The following AHRR variants were observed in gnomAD, a reference collection of about 807,000 sequenced individuals.
The protein encoded by AHRR is aryl hydrocarbon receptor repressor.
A neutral mutation model predicts 44.0 loss-of-function variants in AHRR; 28 were observed. The ratio of observed to expected loss-of-function variants is 0.64; its 90% CI spans 0.47 to 0.87. AHRR has a LOEUF of 0.87. Ranked by LOEUF, AHRR falls within the 40% of genes least tolerant of loss-of-function variation. AHRR has a pLI of 0.00. For missense variants in AHRR, 990 were observed against 953.9 expected, an observed-to-expected ratio of 1.04 and a Z score of -0.50; for synonymous variants, 434 against 407.0, an observed-to-expected ratio of 1.07 and a Z score of -0.80.
At chr5:424,500 C>T (rs72717406) in intron 7 of AHRR, among the ~76,000 whole-genome samples, 2,144 of 152,126 alleles carry the variant, frequency 0.014, 50 homozygotes, top group Middle Eastern at 0.034. Flanking sequence ...CTCTGTGCAC[C>T]CGGCGATGGT....
In AHRR at chr5:423,892, G is replaced by T; in HGVS notation, c.623G>T (p.Gly208Val). ...CTCAGGGCCCAGGAGTGGGGCACAG[G>T]CACGCCCACCGAGTACTCGGCCTTC... ...RLLRAQEWGT[G>V]TPTEYSAFLT... Residue 208 changes from glycine to valine, a missense_variant, in exon 7 of 11, where the codon GGC becomes GTC. By Grantham distance (109) the Gly-to-Val change is moderately radical (BLOSUM62 -3). Transcript: ENST00000684583. The T allele has an allele frequency of 6.2e-7, 1 of 1,604,930 alleles. No homozygotes were observed.
intron 4 of AHRR, among the ~76,000 whole-genome samples, chr5:389,518 A>G (rs1734316756): frequency 6.6e-6 from 1 of 152,098 alleles, no homozygotes. Context: ...ATGCTGCTGA[A>G]CAGTCGAGGA....
chr5:394,175 A>G (rs1734594787), intron 4 of AHRR, among the ~76,000 whole-genome samples: 1 of 152,176 alleles, frequency 6.6e-6, no homozygotes, highest in Non-Finnish European at 1.5e-5. Context: ...GGGAGGCCCT[A>G]CAAGGAGCCT....
At chr5:344,203 G>C (rs1286039699) in intron 2 of AHRR, among the ~76,000 whole-genome samples, 1 of 150,996 alleles carries the variant, frequency 6.6e-6, no homozygotes, top group Non-Finnish European at 1.5e-5. Flanking sequence ...GCGGTGGAGC[G>C]AGGCGGCGGG....
rs925333407 is a variant in AHRR at position 388,537 on chromosome 5, G to A, written c.351+11821G>A. On this transcript the variant is annotated intron_variant, in intron 4 of 10. Coordinates refer to ENST00000684583, the MANE Select transcript of AHRR (RefSeq NM_001377236.1). This position sits in a 1 kb window ranked among gnomAD's most constrained non-coding sequence, Gnocchi z 5.2. ...CTGGAGGAGTGGGGTTTGGACACCC[G>A]GCAGGTCTCTTCCAAACCAGGGCGT... Among the ~76,000 whole-genome samples the A allele has an allele frequency of 2.6e-5, 4 of 152,270 alleles. No individual in the cohort carries two copies. Among genetic ancestry groups the A allele is most frequent in the Non-Finnish European group, 5.9e-5 (4 of 68,022 alleles).
At position 353,661 on chromosome 5, in the gene AHRR, G is replaced by A. The variant is rs114530743; in HGVS notation, c.63-69G>A. 2,897 of 1,476,896 alleles carry A rather than the reference G, an allele frequency of 2.0e-3. 29 individuals are homozygous for A. In the African/African-American group the frequency reaches 0.025, roughly 13 times the overall value. 91.5% of individuals were successfully genotyped at this position (1,476,896 alleles called of 1,614,324 possible). Reference sequence around the variant, plus strand: ...TCCTAGTAAGGTCACTGCAGAGGACGGTTTCCGCCCCAGGGGGCCTGTGGC... The same window carrying A: ...TCCTAGTAAGGTCACTGCAGAGGACAGTTTCCGCCCCAGGGGGCCTGTGGC... On this transcript the variant is annotated intron_variant, in intron 2 of 10. Transcript: ENST00000684583.
chr5:395,651 G>A lies in AHRR; in HGVS notation c.352-17693G>A, dbSNP rs1412904918. On this transcript the variant is annotated intron_variant, in intron 4 of 10. Transcript: ENST00000684583. This position sits in a 1 kb window ranked among gnomAD's most constrained non-coding sequence, Gnocchi z 5.3. ...CGGCAGACGGTCATCGGGCCGCGCTGCTGCTCTGGTGTGGTTTCTGGAAAA... is the reference window on the plus strand; with the variant it reads ...CGGCAGACGGTCATCGGGCCGCGCTACTGCTCTGGTGTGGTTTCTGGAAAA... Among the ~76,000 whole-genome samples, 3 of 152,246 alleles carry A rather than the reference G, an allele frequency of 2.0e-5. No homozygotes were observed. Among genetic ancestry groups the A allele is most frequent in the South Asian group, 4.1e-4 (2 of 4,836 alleles).
intron 5 of AHRR, among the ~76,000 whole-genome samples, chr5:418,183 G>A (rs1489957643): frequency 6.6e-6 from 1 of 152,214 alleles, no homozygotes; most frequent in Non-Finnish European, 1.5e-5. Context: ...TCCCTAAGTG[G>A]TAGTGTAAAA....
At chr5:349,794 C>A (rs1223589394) in intron 2 of AHRR, among the ~76,000 whole-genome samples, 3 of 152,116 alleles carry the variant, frequency 2.0e-5, no homozygotes, top group Non-Finnish European at 4.4e-5. Context: ...TTGGATATTG[C>A]ATGAGGGTAG....
chr5:432,695 G>A (rs912504608), intron 9 of AHRR, 111 bp from the exon 10 acceptor site: 2 of 1,570,588 alleles, frequency 1.3e-6, no homozygotes, highest in Non-Finnish European at 1.7e-6. Flanking sequence ...GCTCTGGTCT[G>A]TGCATTTCTG....
intron 3 of AHRR, among the ~76,000 whole-genome samples, chr5:356,142 G>C (rs889416392): frequency 6.6e-6 from 1 of 152,186 alleles, no homozygotes; most frequent in African/African-American, 2.4e-5. Context: ...GTTAAGGTCG[G>C]GATTTTCCAC....
At chr5:346,237 A>G (rs765047263) in intron 2 of AHRR, among the ~76,000 whole-genome samples, 103 of 152,330 alleles carry the variant, frequency 6.8e-4, no homozygotes, top group Non-Finnish European at 5.4e-4. Flanking sequence ...TTTATTCGTA[A>G]AATGTCTCCC....
intron 5 of AHRR, among the ~76,000 whole-genome samples, chr5:416,042 C>G (rs983826732): frequency 6.6e-6 from 1 of 152,232 alleles, no homozygotes; most frequent in Non-Finnish European, 1.5e-5. Context: ...GTTTTCTGCA[C>G]CGTGGCTGTG....
chr5:413,066 T>C (rs1735536592), intron 4 of AHRR, among the ~76,000 whole-genome samples: 1 of 152,164 alleles, frequency 6.6e-6, no homozygotes, highest in Non-Finnish European at 1.5e-5. Context: ...TGCCTCGTCT[T>C]AGGTACCAAG....
intron 4 of AHRR, among the ~76,000 whole-genome samples, chr5:412,146 C>T (rs181306606): frequency 4.3e-4 from 65 of 152,284 alleles, no homozygotes; most frequent in African/African-American, 1.4e-3. Flanking sequence ...ACGATGATTA[C>T]GGCTGTGACT....
At chr5:433,824 G>A in intron 10 of AHRR, 29 bp from the exon 11 acceptor site, 2 of 1,475,400 alleles carry the variant, frequency 1.4e-6, no homozygotes, top group Non-Finnish European at 1.8e-6. Context: ...TTCAGCTGCT[G>A]TCAAATGGGC....
At chr5:363,068 C>T (rs899276748) in intron 3 of AHRR, among the ~76,000 whole-genome samples, 2 of 152,366 alleles carry the variant, frequency 1.3e-5, no homozygotes, top group Non-Finnish European at 2.9e-5. Flanking sequence ...ACAGTTAAAA[C>T]TCTACATGTC....
Position 433,881 on chromosome 5 carries a change from C to T in AHRR, c.1141C>T (p.Leu381=). The change falls in exon 11 of 11, where the codon CTG becomes TTG. Residue 381 remains leucine, a synonymous_variant. Transcript: ENST00000684583. ...GDREEEQHRM[L]SRASGVTGRR... is the part of the protein sequence containing the mutation. Reference sequence around the variant, plus strand: ...CAGGGAGGAGGAGCAGCACAGGATGCTGAGCAGGGCCTCTGGAGTGACAGG... The same window carrying T: ...CAGGGAGGAGGAGCAGCACAGGATGTTGAGCAGGGCCTCTGGAGTGACAGG... The T allele has an allele frequency of 6.6e-7, 1 of 1,509,916 alleles. No homozygotes were observed. Among genetic ancestry groups the T allele is most frequent in the South Asian group, 1.3e-5 (1 of 74,162 alleles). The allele number at this position is 1,509,916 out of a possible 1,614,324, so 93.5% of individuals were successfully genotyped here. A position where few individuals can be genotyped will look rare whatever the true frequency, so the allele number is the denominator to read the frequency against.
chr5:423,620 A>G (rs1007049674), intron 6 of AHRR, among the ~76,000 whole-genome samples: 9 of 152,256 alleles, frequency 5.9e-5, no homozygotes, highest in Non-Finnish European at 1.2e-4. Flanking sequence ...CCATTGGTCC[A>G]TCGTCATGCA....
Sources: gnomAD v4.1 joint callset for allele counts (sites outside exome capture counted in the v4.1 genomes callset) on GRCh38, gnomAD v4.1.1 for gene constraint, Gnocchi (gnomAD v3.1) non-coding constraint, MANE v1.5 for transcripts, NCBI Gene and HGNC (gene_info 2026-07-23, HGNC 2026-07-21) for gene names.